ZC3H3: variants seen among roughly 807,000 people sequenced by gnomAD.
ZC3H3 encodes the protein zinc finger CCCH domain-containing protein 3.
ZC3H3 carries 36 observed loss-of-function variants against 77.3 expected under a neutral mutation model. That is an observed-to-expected ratio of 0.47 (90% CI 0.36 to 0.61). The LOEUF (loss-of-function observed/expected upper bound fraction) is 0.61. Among genes scored for constraint, ZC3H3 ranks in the 20% least tolerant of loss-of-function variants. The probability of loss-of-function intolerance (pLI) is 0.00; values close to 1 mark genes in which losing one functional copy is unlikely to be tolerated. For synonymous variants in ZC3H3, 626 were observed against 555.2 expected (o/e 1.13, Z -1.79); for missense variants, 1,331 against 1,312.2 (o/e 1.01, Z -0.22).
At chr8:143,464,683 G>A (rs760772098) in intron 9 of ZC3H3, among the ~76,000 whole-genome samples, 9 of 152,134 alleles carry the variant, frequency 5.9e-5, no homozygotes, top group Non-Finnish European at 1.0e-4. Flanking sequence ...TGGTGTTCTC[G>A]GCTTCACGGG....
At chr8:143,457,515 A>G (rs1820152804) in intron 9 of ZC3H3, among the ~76,000 whole-genome samples, 1 of 152,008 alleles carries the variant, frequency 6.6e-6, no homozygotes, top group African/African-American at 2.4e-5. Context: ...ATGGACTCTT[A>G]AGCTCAGGAG....
chr8:143,532,692 G>A (rs773333596), intron 3 of ZC3H3, among the ~76,000 whole-genome samples: 1 of 152,252 alleles, frequency 6.6e-6, no homozygotes, highest in Admixed American at 6.5e-5. Context: ...CTGCCCAGAA[G>A]CCCACTGGCC....
intron 3 of ZC3H3, among the ~76,000 whole-genome samples, chr8:143,510,993 G>A (rs1821853673): frequency 1.3e-5 from 2 of 152,242 alleles, no homozygotes; most frequent in Admixed American, 6.5e-5. Context: ...GATCTCATTA[G>A]CTTTCCTAAT....
At position 143,538,373 on chromosome 8, in the gene ZC3H3, C is replaced by T; in HGVS notation, c.994G>A (p.Val332Met). ...GCCTTGCACACATTCTCTGCAGCCA[C>T]TCTGGGACTGAGGGCCCTCCGAGCA... ...RVARRALSPR[V>M]AAENVCKASA... Residue 332 changes from valine (V) to methionine (M), a missense_variant, in exon 2 of 12, where the codon GTG (valine) becomes ATG (methionine). Val to Met is a conservative substitution (Grantham distance 21). Coordinates refer to ENST00000262577, the MANE Select transcript of ZC3H3 (RefSeq NM_015117.3). 6.2e-7 allele frequency: 1 copy of T among 1,613,148 alleles called. No homozygotes were observed.
intron 9 of ZC3H3, among the ~76,000 whole-genome samples, chr8:143,446,722 G>A (rs112359468): frequency 1.4e-3 from 219 of 152,384 alleles, no homozygotes; most frequent in African/African-American, 5.1e-3. Context: ...CCAAGCTGCC[G>A]AGCGTGACAG....
At chr8:143,507,192 G>A (rs1164976973) in intron 4 of ZC3H3, among the ~76,000 whole-genome samples, 5 of 152,246 alleles carry the variant, frequency 3.3e-5, no homozygotes, top group Non-Finnish European at 2.9e-5. Context: ...GGCCCCAGGA[G>A]GGCAAAAGCT....
intron 4 of ZC3H3, among the ~76,000 whole-genome samples, chr8:143,499,578 G>A (rs777012853): frequency 1.3e-5 from 2 of 151,956 alleles, no homozygotes; most frequent in Middle Eastern, 3.4e-3. Flanking sequence ...AACCAGAAGC[G>A]ACAATGCTAT....
chr8:143,538,254 C>T lies in ZC3H3; in HGVS notation c.1113G>A (p.Gly371=), dbSNP rs764100505. 2.5e-5 allele frequency: 41 copies of T among 1,612,884 alleles called. No individual in the cohort carries two copies. In the Admixed American group the frequency reaches 6.8e-4, roughly 27 times the overall value. Residue 371 remains glycine (G), a synonymous_variant, in exon 2 of 12, where the codon GGG becomes GGA. Transcript: ENST00000262577. ...PRKPATSSKP[G]SAPSKYKWKA... ...TCCACTTGTACTTGCTGGGGGCAGA[C>T]CCTGGCTTGGAGGACGTGGCTGGCT...
chr8:143,450,373 G>A (rs895314724), intron 9 of ZC3H3, among the ~76,000 whole-genome samples: 8 of 152,192 alleles, frequency 5.3e-5, no homozygotes, highest in African/African-American at 1.9e-4. Flanking sequence ...TAGAGATGGG[G>A]TTTGGCCATG....
At chr8:143,479,187 G>A (rs1014993316) in intron 4 of ZC3H3, among the ~76,000 whole-genome samples, 1 of 152,220 alleles carries the variant, frequency 6.6e-6, no homozygotes, top group Non-Finnish European at 1.5e-5. Flanking sequence ...GTCTAGGGTT[G>A]CCCTCACCCC....
At chr8:143,458,034 A>G (rs1820166147) in intron 9 of ZC3H3, among the ~76,000 whole-genome samples, 1 of 152,252 alleles carries the variant, frequency 6.6e-6, no homozygotes, top group Admixed American at 6.5e-5. Context: ...GAGAAAAATC[A>G]GTAAAACAAA....
chr8:143,533,636 T>TCCTCAG lies in ZC3H3; in HGVS notation c.1561+2615_1561+2620dup, dbSNP rs1448477166. 6.7e-6 allele frequency among the ~76,000 whole-genome samples: 1 copy of TCCTCAG among 150,116 alleles called. No individual in the cohort carries two copies. Among genetic ancestry groups the TCCTCAG allele is most frequent in the African/African-American group, 2.5e-5 (1 of 40,640 alleles). The stretch of plus-strand genomic sequence containing the variant: ...TGAGTGGGACGCCTTCCCCACCCCT[T>TCCTCAG]CCTCAGACAGGACCCTCTCCTCTCA... On this transcript the variant is annotated intron_variant, in intron 3 of 11. Transcript: ENST00000262577. This position sits in a 1 kb window ranked among gnomAD's most constrained non-coding sequence, Gnocchi z 4.0.
intron 9 of ZC3H3, among the ~76,000 whole-genome samples, chr8:143,446,075 G>A (rs1819856440): frequency 6.6e-6 from 1 of 152,190 alleles, no homozygotes; most frequent in Admixed American, 6.5e-5. Flanking sequence ...ACAGGAGGGA[G>A]GGCTGCACCG....
chr8:143,525,047 T>C (rs997989831), intron 3 of ZC3H3, among the ~76,000 whole-genome samples: 13 of 152,274 alleles, frequency 8.5e-5, no homozygotes, highest in Non-Finnish European at 1.5e-4. Flanking sequence ...TCATCGTATC[T>C]AGCCACACAC....
intron 9 of ZC3H3, among the ~76,000 whole-genome samples, chr8:143,450,323 G>C (rs1454126283): frequency 1.3e-5 from 2 of 152,160 alleles, no homozygotes; most frequent in Non-Finnish European, 2.9e-5. Flanking sequence ...TGGGATTACA[G>C]GCATGTACCA....
intron 9 of ZC3H3, among the ~76,000 whole-genome samples, chr8:143,465,487 T>C (rs1478434112): frequency 6.6e-6 from 1 of 152,070 alleles, no homozygotes. Context: ...GAAGTCTAGG[T>C]CCTCTGCGCC....
In ZC3H3 at chr8:143,468,438, G is replaced by T. The variant is rs747485344; in HGVS notation, c.2049C>A (p.Asn683Lys). The T allele has an allele frequency of 1.4e-5, 22 of 1,610,930 alleles. No individual in the cohort carries two copies. In the East Asian group the frequency reaches 4.7e-4, roughly 34 times the overall value. The change falls in exon 7 of 12, where the codon AAC becomes AAA. Residue 683 changes from asparagine (N) to lysine (K), a missense_variant. Physicochemically the swap from Asn to Lys is moderately conservative, Grantham distance 94 (BLOSUM62 0). Coordinates refer to ENST00000262577, the MANE Select transcript of ZC3H3 (RefSeq NM_015117.3). ...CMYYNRFGRC[N>K]RGERCPYIHD... ...GGATGTAGGGGCAGCGCTCGCCACGGTTGCACCTGCCGAAGCGGTTGTAGT... is the reference window on the plus strand; with the variant it reads ...GGATGTAGGGGCAGCGCTCGCCACGTTTGCACCTGCCGAAGCGGTTGTAGT...
chr8:143,502,352 T>C (rs1821551337), intron 4 of ZC3H3, among the ~76,000 whole-genome samples: 1 of 152,222 alleles, frequency 6.6e-6, no homozygotes, highest in South Asian at 2.1e-4. Flanking sequence ...GAGACACGCG[T>C]GGGGAGCGCA....
chr8:143,470,943 T>C (rs532414677), intron 5 of ZC3H3, among the ~76,000 whole-genome samples: 199 of 152,266 alleles, frequency 1.3e-3, no homozygotes, highest in Admixed American at 4.4e-3. Flanking sequence ...CTTCTCAGAA[T>C]AGACTCGGCT....
Sources: allele counts gnomAD v4.1 joint callset (sites outside exome capture counted in the v4.1 genomes callset), GRCh38; gene constraint gnomAD v4.1.1; non-coding constraint Gnocchi (gnomAD v3.1); transcripts MANE v1.5; gene names NCBI Gene and HGNC (gene_info 2026-07-23, HGNC 2026-07-21).